SYNE3: variants seen among roughly 807,000 people sequenced by gnomAD.
SYNE3 encodes nesprin-3.
A neutral mutation model predicts 111.2 loss-of-function variants in SYNE3; 100 were observed. The observed-to-expected ratio is 0.90, with a 90% confidence interval of 0.77 to 1.06. The LOEUF is 1.06. Among genes scored for constraint, SYNE3 ranks in the 50% least tolerant of loss-of-function variants. SYNE3 has a pLI of 0.00. For synonymous variants in SYNE3, 547 were observed against 533.9 expected (o/e 1.02, Z -0.34); for missense variants, 1,160 against 1,240.3 (o/e 0.94, Z 0.97).
chr14:95,481,188 A>G (rs915844499), intron 1 of SYNE3, among the ~76,000 whole-genome samples: 3 of 152,242 alleles, frequency 2.0e-5, no homozygotes, highest in Non-Finnish European at 4.4e-5. Context: ...AGTAGTGCTG[A>G]CATTTAAACC....
rs533973395 is a variant in SYNE3, at chr14:95,492,395, C to T, written c.-14-16560G>A. On this transcript the variant is annotated intron_variant, in intron 1 of 17. Transcript: ENST00000682763. ...TCAACTGATAAATGGATAAGGAAATCGTGGTCTATCCATACAATGGAATAT... is the reference window on the plus strand; with the variant it reads ...TCAACTGATAAATGGATAAGGAAATTGTGGTCTATCCATACAATGGAATAT... 3.3e-5 allele frequency among the ~76,000 whole-genome samples: 5 copies of T among 152,300 alleles called. No homozygotes were observed. The South Asian group carries it at 6.2e-4, about 19-fold the overall frequency.
intron 1 of SYNE3, among the ~76,000 whole-genome samples, chr14:95,513,559 C>A (rs1890795484): frequency 6.6e-6 from 1 of 151,830 alleles, no homozygotes; most frequent in Non-Finnish European, 1.5e-5. Flanking sequence ...TTCAAGAGGT[C>A]AAAATTAGGG....
intron 14 of SYNE3, among the ~76,000 whole-genome samples, chr14:95,437,498 T>G (rs1423629538): frequency 6.6e-6 from 1 of 152,210 alleles, no homozygotes; most frequent in East Asian, 1.9e-4. Context: ...TACTGTCTCC[T>G]CTGTGGGGAA....
chr14:95,421,966 T>G (rs79398826), intron 17 of SYNE3, among the ~76,000 whole-genome samples: 3,619 of 152,250 alleles, frequency 0.024, 235 homozygotes, highest in Admixed American at 0.15. Flanking sequence ...GCCTTACACA[T>G]CCTCAGGGCA....
chr14:95,440,122 G>A lies in SYNE3; in HGVS notation c.1912-47C>T, dbSNP rs116190071. 8.5e-4 allele frequency: 1,307 copies of A among 1,543,056 alleles called. 12 individuals are homozygous for A. In the African/African-American group the frequency reaches 0.016, roughly 19 times the overall value. ...CCAGGGCATCCTGAGTGCTGGCCGA[G>A]GGGGAGACCCCCGCACCACCCCCAC... On this transcript the variant is annotated intron_variant, in intron 11 of 17. Coordinates refer to ENST00000682763, the MANE Select transcript of SYNE3 (RefSeq NM_152592.6).
chr14:95,480,014 A>G (rs1889131345), intron 1 of SYNE3, among the ~76,000 whole-genome samples: 1 of 152,128 alleles, frequency 6.6e-6, no homozygotes, highest in African/African-American at 2.4e-5. Context: ...GGCACGGGAG[A>G]AGTTTCGTCT....
At chr14:95,499,837 C>A (rs1445654142) in intron 1 of SYNE3, among the ~76,000 whole-genome samples, 4 of 146,162 alleles carry the variant, frequency 2.7e-5, no homozygotes, top group Non-Finnish European at 3.0e-5. Flanking sequence ...GAAGAATCCC[C>A]TGTATCACTA....
chr14:95,408,978 T>C lies in SYNE3; in HGVS notation c.*8848A>G, dbSNP rs1453628402. The C allele has an allele frequency of 5.4e-6, 2 of 367,236 alleles. No individual in the cohort carries two copies. Among genetic ancestry groups the C allele is most frequent in the South Asian group, 4.0e-5 (2 of 49,714 alleles). 22.7% of individuals were successfully genotyped at this position (367,236 alleles called of 1,614,324 possible). ...CTCATCCTGGTGTTGCCAGCTCCCT[T>C]CAGCGGTGGGAGTCAACGGACTTCC... On this transcript the variant is annotated 3_prime_UTR_variant, in exon 18 of 18. Transcript: ENST00000682763.
chr14:95,462,310 G>C (rs887647735), intron 4 of SYNE3, among the ~76,000 whole-genome samples: 2 of 152,206 alleles, frequency 1.3e-5, no homozygotes, highest in East Asian at 1.9e-4. Context: ...AGAGCTGACC[G>C]GGCTCCCTGT....
chr14:95,471,522 G>A (rs767960083), intron 2 of SYNE3, among the ~76,000 whole-genome samples: 7 of 152,194 alleles, frequency 4.6e-5, no homozygotes, highest in South Asian at 2.1e-4. Context: ...CCCCTTCCCC[G>A]ACCTGGAGAA....
At chr14:95,496,851 G>C (rs4999524) in intron 1 of SYNE3, among the ~76,000 whole-genome samples, 98,673 of 152,080 alleles carry the variant, frequency 0.65, 32,601 homozygotes, top group African/African-American at 0.78. Context: ...AAGCTGTGGA[G>C]TCTTCCAGCC....
chr14:95,431,979 C>A, intron 17 of SYNE3, 100 bp downstream of exon 17: 1 of 1,381,850 alleles, frequency 7.2e-7, no homozygotes, highest in Admixed American at 2.1e-5. Flanking sequence ...TTCCTGGAAC[C>A]TTCCAGAAAG....
chr14:95,470,984 A>T lies in SYNE3; in HGVS notation c.145-3017T>A, dbSNP rs544880412. Among the ~76,000 whole-genome samples, 1 of 138,344 alleles carries T rather than the reference A, an allele frequency of 7.2e-6. No individual in the cohort carries two copies. Among genetic ancestry groups the T allele is most frequent in the Admixed American group, 7.0e-5 (1 of 14,238 alleles). The allele number at this position is 138,344 out of a possible 152,430, so 90.8% of individuals were successfully genotyped here. A position where few individuals can be genotyped will look rare whatever the true frequency, so the allele number is the denominator to read the frequency against. ...AACAGAGCAACACGCCGTCTCAGGA[A>T]AAAAAAAAAAAGAAAGTAAGATGAT... is the stretch of plus-strand genomic sequence containing the variant. On this transcript the variant is annotated intron_variant, in intron 2 of 17. Coordinates refer to ENST00000682763, the MANE Select transcript of SYNE3 (RefSeq NM_152592.6). This position sits in a 1 kb window ranked among gnomAD's most constrained non-coding sequence, Gnocchi z 4.2.
In SYNE3 at chr14:95,467,803, G is replaced by A. The variant is rs202206936; in HGVS notation, c.309C>T (p.His103=). 1 of 1,614,180 alleles carries A rather than the reference G, an allele frequency of 6.2e-7. No homozygotes were observed. The highest frequency in any genetic ancestry group is 1.7e-5 in the Admixed American group (1 of 60,018). ...GGCCCTGGATGCCCTACCTGTGACA[G>A]TGAGTCATGTAGGTGACTGTCTCCT... is the stretch of plus-strand genomic sequence containing the variant. ...QWEETVTYMT[H]CHSRIEWVWL... The change falls in exon 3 of 18, where the codon CAC becomes CAT. Residue 103 remains histidine (H), a synonymous_variant. Transcript: ENST00000682763.
Position 95,440,808 on chromosome 14 carries a change from A to G in SYNE3, c.1912-733T>C, listed in dbSNP as rs367678634. Among the ~76,000 whole-genome samples the G allele has an allele frequency of 9.8e-5, 15 of 152,372 alleles. No homozygotes were observed. The East Asian group carries it at 2.9e-3, about 29-fold the overall frequency. Reference sequence around the variant, plus strand: ...GTGAGCTGGGCATGACCGCAGGCACAGAGGCTTTGGGAGGCTGGTAATATT... The same window carrying G: ...GTGAGCTGGGCATGACCGCAGGCACGGAGGCTTTGGGAGGCTGGTAATATT... On this transcript the variant is annotated intron_variant, in intron 11 of 17. Transcript: ENST00000682763.
intron 1 of SYNE3, among the ~76,000 whole-genome samples, chr14:95,491,672 G>T (rs535291452): frequency 1.9e-4 from 29 of 151,800 alleles, no homozygotes; most frequent in African/African-American, 6.8e-4. Context: ...ATACGCAATG[G>T]TTTCTTAGAT....
chr14:95,465,943 C>A lies in SYNE3; in HGVS notation c.615G>T (p.Lys205Asn). The change falls in exon 4 of 18, where the codon AAG becomes AAT. Residue 205 changes from lysine to asparagine, a missense_variant. Physicochemically the swap from Lys to Asn is moderately conservative, Grantham distance 94. Transcript: ENST00000682763. ...KRMKAEYDAV[K>N]AKAQKRVDLL... ...GCCTCACCCTCACCTGGGCCTTGGC[C>A]TTCACTGCATCGTACTCAGCCTTCA... is the stretch of plus-strand genomic sequence containing the variant. 1 of 1,577,582 alleles carries A rather than the reference C, an allele frequency of 6.3e-7. No individual in the cohort carries two copies. Among genetic ancestry groups the A allele is most frequent in the Non-Finnish European group, 8.7e-7 (1 of 1,152,312 alleles).
intron 1 of SYNE3, among the ~76,000 whole-genome samples, chr14:95,488,710 G>GGAGAA (rs1566684844): frequency 1.1e-5 from 1 of 87,134 alleles, no homozygotes; most frequent in African/African-American, 4.8e-5. Context: ...GGAGAGGAGA[G>GGAGAA]GAGAGGAGAG....
intron 1 of SYNE3, among the ~76,000 whole-genome samples, chr14:95,481,867 G>A (rs933553138): frequency 5.3e-5 from 8 of 152,258 alleles, no homozygotes; most frequent in African/African-American, 1.9e-4. Context: ...AGGAAGGAAA[G>A]GATACTGGCA....
Sources: gnomAD v4.1 joint callset for allele counts (sites outside exome capture counted in the v4.1 genomes callset) on GRCh38, gnomAD v4.1.1 for gene constraint, Gnocchi (gnomAD v3.1) non-coding constraint, MANE v1.5 for transcripts, NCBI Gene and HGNC (gene_info 2026-07-23, HGNC 2026-07-21) for gene names.